Variants in HERC1 observed in about 807,000 individuals in gnomAD.
HERC1 encodes HECT and RLD domain containing E3 ubiquitin protein ligase family member 1.
HERC1 carries 160 observed loss-of-function variants against 554.3 expected under a neutral mutation model. The observed-to-expected ratio is 0.29, with a 90% CI of 0.25 to 0.33. The LOEUF is 0.33. Ranked by LOEUF, HERC1 falls within the 10% of genes least tolerant of loss-of-function variation. The pLI is 1.00. For synonymous variants in HERC1, 2,175 were observed against 2,131.7 expected, an observed-to-expected ratio of 1.02 and a Z score of -0.56; for missense variants, 4,919 against 5,918.5, an observed-to-expected ratio of 0.83 and a Z score of 5.54.
intron 38 of HERC1, among the ~76,000 whole-genome samples, chr15:63,674,016 T>C (rs1032066435): frequency 6.6e-6 from 1 of 152,182 alleles, no homozygotes. Flanking sequence ...TGAGCCACCA[T>C]GCTTGCCAGA....
intron 40 of HERC1, among the ~76,000 whole-genome samples, chr15:63,667,327 A>G (rs1374292725): frequency 1.3e-5 from 2 of 152,226 alleles, no homozygotes; most frequent in Non-Finnish European, 2.9e-5. Flanking sequence ...GAACATAACT[A>G]TTGCTAATAA....
At chr15:63,712,406 C>T (rs2073344916) in intron 24 of HERC1, among the ~76,000 whole-genome samples, 1 of 152,048 alleles carries the variant, frequency 6.6e-6, no homozygotes, top group Admixed American at 6.6e-5. Flanking sequence ...AAGGATGATC[C>T]CAAGTTTCTT....
intron 1 of HERC1, among the ~76,000 whole-genome samples, chr15:63,824,993 T>C (rs2077841602): frequency 6.6e-6 from 1 of 151,822 alleles, no homozygotes; most frequent in Non-Finnish European, 1.5e-5. Context: ...GTAGGATGAA[T>C]AAATCTAGAG....
rs1345020781 is a variant in HERC1 at position 63,654,267 on chromosome 15, G to A, written c.10142C>T (p.Ser3381Leu). ...AACCLSSRLS[S>L]QHRQWAAQQL... The stretch of plus-strand genomic sequence containing the variant: ...CTGAGCTGCCCATTGCCGATGCTGT[G>A]AGGACAGCCTGGAGGAGAGGCAGCA... The change falls in exon 51 of 78, where the codon TCA becomes TTA. Residue 3381 changes from serine (S) to leucine (L), a missense_variant. Physicochemically the swap from Ser to Leu is moderately radical, Grantham distance 145. Transcript: ENST00000443617. 1 of 1,614,010 alleles carries A rather than the reference G, an allele frequency of 6.2e-7. No homozygotes were observed. Among genetic ancestry groups the A allele is most frequent in the Non-Finnish European group, 8.5e-7 (1 of 1,179,870 alleles).
chr15:63,700,708 C>CAAATAAA (rs2072669484), intron 25 of HERC1, among the ~76,000 whole-genome samples: 1 of 64,582 alleles, frequency 1.5e-5, no homozygotes, highest in African/African-American at 4.9e-5. Context: ...GACCCTGCCT[C>CAAATAAA]AAAAAAAAAA....
chr15:63,673,802 G>A (rs2071058478), intron 38 of HERC1, among the ~76,000 whole-genome samples: 1 of 152,218 alleles, frequency 6.6e-6, no homozygotes, highest in Admixed American at 6.5e-5. Flanking sequence ...TCGGCTCACT[G>A]TAACCTCCGC....
intron 2 of HERC1, among the ~76,000 whole-genome samples, chr15:63,774,344 T>C (rs2076049731): frequency 6.6e-6 from 1 of 152,166 alleles, no homozygotes; most frequent in Non-Finnish European, 1.5e-5. Context: ...TTGGGAAATA[T>C]GAAAATAAGA....
At chr15:63,639,059 G>A (rs1003232123) in intron 61 of HERC1, among the ~76,000 whole-genome samples, 7 of 152,148 alleles carry the variant, frequency 4.6e-5, no homozygotes, top group Non-Finnish European at 1.0e-4. Flanking sequence ...GTCATGTGGA[G>A]GACCCCACAC....
rs752632607 is a variant in HERC1 at position 63,661,854 on chromosome 15, G to A, written c.9069C>T (p.Gly3023=). The change falls in exon 45 of 78, where the codon GGC becomes GGT. Residue 3023 remains glycine (G), a synonymous_variant. Coordinates refer to ENST00000443617, the MANE Select transcript of HERC1 (RefSeq NM_003922.4). ...SNGSYVDGWF[G]GECGSGNPYY... is the part of the protein sequence containing the mutation. ...ACGGATTTCCACTCCCACATTCACCGCCAAACCAGCCATCCACATAGGAAC... is the reference window on the plus strand; with the variant it reads ...ACGGATTTCCACTCCCACATTCACCACCAAACCAGCCATCCACATAGGAAC... 4.0e-5 allele frequency: 64 copies of A among 1,613,820 alleles called. No individual in the cohort carries two copies. The Admixed American group carries it at 5.8e-4, about 15-fold the overall frequency.
intron 42 of HERC1, among the ~76,000 whole-genome samples, chr15:63,665,603 T>C (rs2070588872): frequency 6.6e-6 from 1 of 152,252 alleles, no homozygotes; most frequent in Non-Finnish European, 1.5e-5. Context: ...ATACTCGATT[T>C]TATATCACTT....
chr15:63,825,857 G>A (rs1335636045), intron 1 of HERC1, among the ~76,000 whole-genome samples: 1 of 151,960 alleles, frequency 6.6e-6, no homozygotes, highest in African/African-American at 2.4e-5. Context: ...CCACCTCCTG[G>A]GTTCAAGTGA....
chr15:63,829,281 G>A (rs534507169), intron 1 of HERC1, among the ~76,000 whole-genome samples: 16 of 151,658 alleles, frequency 1.1e-4, no homozygotes, highest in South Asian at 2.1e-4. Context: ...AATCAGCGGG[G>A]CATGGTGGGT....
At chr15:63,649,189 C>G (rs1469278930) in intron 54 of HERC1, among the ~76,000 whole-genome samples, 2 of 152,168 alleles carry the variant, frequency 1.3e-5, no homozygotes, top group Non-Finnish European at 2.9e-5. Flanking sequence ...CCTGTCTCTA[C>G]TAAAAATACA....
Position 63,824,435 on chromosome 15 carries a change from A to G in HERC1, c.-27+9392T>C, listed in dbSNP as rs140358223. Among the ~76,000 whole-genome samples the G allele has an allele frequency of 2.9e-3, 445 of 151,834 alleles. 2 individuals carry two copies. Among genetic ancestry groups the G allele is most frequent in the African/African-American group, 0.01 (420 of 41,396 alleles). The stretch of plus-strand genomic sequence containing the variant: ...TGTAGTCCCAGCTACTTAGGAGGCC[A>G]AGGCAGGAGAATCACTTGAACCCGG... On this transcript the variant is annotated intron_variant, in intron 1 of 77. Transcript: ENST00000443617.
At chr15:63,640,523 G>C (rs939826775) in intron 60 of HERC1, 78 bp from the exon 61 acceptor site, 1 of 1,168,784 alleles carries the variant, frequency 8.6e-7, no homozygotes, top group Non-Finnish European at 1.2e-6. Flanking sequence ...TAGTCTGAAA[G>C]TCTGGAATCA....
chr15:63,712,419 T>C (rs2073345528), intron 24 of HERC1, among the ~76,000 whole-genome samples: 1 of 152,208 alleles, frequency 6.6e-6, no homozygotes, highest in Non-Finnish European at 1.5e-5. Context: ...AGTTTCTTGC[T>C]TGGATAGTTA....
At chr15:63,663,298 C>T (rs1364899260) in intron 43 of HERC1, 94 bp from the exon 44 acceptor site, 1 of 1,000,352 alleles carries the variant, frequency 1.0e-6, no homozygotes, top group African/African-American at 1.6e-5. Context: ...TAGGTGAGAA[C>T]CTATCTCAGT....
chr15:63,777,485 G>A (rs1474702751), intron 1 of HERC1, among the ~76,000 whole-genome samples: 2 of 152,104 alleles, frequency 1.3e-5, no homozygotes, highest in Non-Finnish European at 2.9e-5. Context: ...ACAGGGATAC[G>A]TTGTTACTCT....
intron 1 of HERC1, among the ~76,000 whole-genome samples, chr15:63,789,095 T>TGG (rs2076547892): frequency 3.3e-5 from 4 of 121,376 alleles, no homozygotes; most frequent in Non-Finnish European, 5.2e-5. Context: ...TTTTTTTTTT[T>TGG]TTTTTTTTTT....
Sources: gnomAD v4.1 joint callset for allele counts (sites outside exome capture counted in the v4.1 genomes callset) on GRCh38, gnomAD v4.1.1 for gene constraint, MANE v1.5 for transcripts, NCBI Gene and HGNC (gene_info 2026-07-23, HGNC 2026-07-21) for gene names.